IQCM: variants seen among roughly 807,000 people sequenced by gnomAD.
The protein encoded by IQCM is IQ domain-containing protein M.
IQCM carries 45 observed loss-of-function variants against 57.6 expected under a neutral mutation model. The observed-to-expected ratio is 0.78, with a 90% CI of 0.62 to 1.00. The LOEUF (loss-of-function observed/expected upper bound fraction) is 1.00. IQCM is among the 50% of genes least tolerant of loss of function. The pLI is 0.00. For missense variants in IQCM, 468 were observed against 511.6 expected, an observed-to-expected ratio of 0.91 and a Z score of 0.82; for synonymous variants, 148 against 158.9, an observed-to-expected ratio of 0.93 and a Z score of 0.51.
intron 13 of IQCM, among the ~76,000 whole-genome samples, chr4:149,415,509 G>A (rs1255195847): frequency 6.6e-6 from 1 of 152,134 alleles, no homozygotes; most frequent in Non-Finnish European, 1.5e-5. Flanking sequence ...GAAGACAGCA[G>A]GAACATCCTT....
intron 12 of IQCM, among the ~76,000 whole-genome samples, chr4:149,545,923 C>T (rs1444280737): frequency 6.6e-6 from 1 of 152,092 alleles, no homozygotes; most frequent in Non-Finnish European, 1.5e-5. Context: ...CACCCGTTAA[C>T]TCGTCCTTTA....
rs150027282 is a variant in IQCM at position 149,606,568 on chromosome 4, G to C, written c.681+14561C>G. On this transcript the variant is annotated intron_variant, in intron 8 of 13. Transcript: ENST00000636793. ...GACCTCACCAAATTGACAAAATAAG[G>C]CACCAGTGATCAATCCTGGAGTGAT... Among the ~76,000 whole-genome samples, 2 of 152,090 alleles carry C rather than the reference G, an allele frequency of 1.3e-5. 1 individual carries two copies. The highest frequency in any genetic ancestry group is 4.1e-4 in the South Asian group (2 of 4,826).
chr4:149,427,593 T>G (rs1314737114), intron 13 of IQCM, among the ~76,000 whole-genome samples: 1 of 151,978 alleles, frequency 6.6e-6, no homozygotes, highest in East Asian at 1.9e-4. Context: ...ATCACCCTAA[T>G]ACATTTTTTG....
At chr4:149,636,375 T>C (rs1171651420) in intron 7 of IQCM, among the ~76,000 whole-genome samples, 2 of 152,156 alleles carry the variant, frequency 1.3e-5, no homozygotes, top group African/African-American at 2.4e-5. Context: ...CTGCACTGAC[T>C]CTCCTACTCT....
At chr4:149,702,683 G>C (rs377493362) in intron 5 of IQCM, among the ~76,000 whole-genome samples, 1 of 151,930 alleles carries the variant, frequency 6.6e-6, no homozygotes, top group Non-Finnish European at 1.5e-5. Flanking sequence ...AACTCATAGT[G>C]ACATTTTTAG....
intron 7 of IQCM, among the ~76,000 whole-genome samples, chr4:149,643,268 A>G (rs1758358850): frequency 6.6e-6 from 1 of 152,206 alleles, no homozygotes; most frequent in Non-Finnish European, 1.5e-5. Flanking sequence ...TGTGTCAGGC[A>G]TGTACCAAGT....
Position 149,695,775 on chromosome 4 carries a change from T to C in IQCM, c.386-9307A>G, listed in dbSNP as rs1326985620. Among the ~76,000 whole-genome samples the C allele has an allele frequency of 2.0e-5, 3 of 152,198 alleles. No individual in the cohort carries two copies. In the East Asian group the frequency reaches 5.8e-4, roughly 30 times the overall value. On this transcript the variant is annotated intron_variant, in intron 5 of 13. Transcript: ENST00000636793. ...GATAGAATTCATACCTGAAGAGGCA[T>C]CTTCTAAAACCATAGACAAGATTTT...
chr4:149,368,318 G>T (rs1248548585), intron 13 of IQCM, among the ~76,000 whole-genome samples: 1 of 151,880 alleles, frequency 6.6e-6, no homozygotes, highest in Non-Finnish European at 1.5e-5. Flanking sequence ...TAGAAGTATT[G>T]ATGTTATAAA....
At chr4:149,645,287 A>G (rs1758540190) in intron 7 of IQCM, among the ~76,000 whole-genome samples, 2 of 152,160 alleles carry the variant, frequency 1.3e-5, no homozygotes, top group African/African-American at 4.8e-5. Flanking sequence ...TTTTAATGTA[A>G]CTTAATCAGT....
At position 149,487,370 on chromosome 4, in the gene IQCM, G is replaced by A. The variant is rs138140945; in HGVS notation, c.1229-53813C>T. Among the ~76,000 whole-genome samples, 4 of 152,216 alleles carry A rather than the reference G, an allele frequency of 2.6e-5. No individual in the cohort carries two copies. In the East Asian group the frequency reaches 7.8e-4, roughly 29 times the overall value. ...TAAGCAGAAAGGATTCACTTTCATT[G>A]TTGCAAACTACACTGCCTGGGATTG... is the stretch of plus-strand genomic sequence containing the variant. On this transcript the variant is annotated intron_variant, in intron 12 of 13. Transcript: ENST00000636793.
chr4:149,662,019 C>T (rs1423059882), intron 7 of IQCM, among the ~76,000 whole-genome samples: 1 of 151,898 alleles, frequency 6.6e-6, no homozygotes, highest in Non-Finnish European at 1.5e-5. Flanking sequence ...TAGGTCCTTG[C>T]AGTGCATTAT....
chr4:149,626,406 A>ATATATATATATATATATATAT (rs1756810430), intron 7 of IQCM, among the ~76,000 whole-genome samples: 2 of 58,712 alleles, frequency 3.4e-5, no homozygotes, highest in Non-Finnish European at 7.6e-5. Context: ...TATATATATA[A>ATATATATATATATATATATAT]GTTTATAGCA....
intron 8 of IQCM, among the ~76,000 whole-genome samples, chr4:149,591,062 T>C (rs1454838878): frequency 6.6e-6 from 1 of 152,044 alleles, no homozygotes; most frequent in Non-Finnish European, 1.5e-5. Flanking sequence ...ATTTTCAAAT[T>C]TTTGTAACAA....
chr4:149,629,442 G>A (rs772240641), intron 7 of IQCM, among the ~76,000 whole-genome samples: 4 of 151,932 alleles, frequency 2.6e-5, no homozygotes, highest in Non-Finnish European at 1.5e-5. Context: ...ACTTAAATAT[G>A]AGTTTTCTCC....
intron 13 of IQCM, among the ~76,000 whole-genome samples, chr4:149,365,260 A>G (rs1211803276): frequency 6.6e-6 from 1 of 152,126 alleles, no homozygotes; most frequent in African/African-American, 2.4e-5. Context: ...TGTCAAAGAG[A>G]CACAGGAGCC....
intron 8 of IQCM, among the ~76,000 whole-genome samples, chr4:149,611,475 A>G (rs1019924731): frequency 2.6e-5 from 4 of 152,180 alleles, no homozygotes; most frequent in African/African-American, 7.2e-5. Context: ...AGTATGGTAC[A>G]TATACACAAT....
chr4:149,597,105 TTGAC>T (rs1329153162), intron 8 of IQCM, among the ~76,000 whole-genome samples: 2 of 151,990 alleles, frequency 1.3e-5, no homozygotes, highest in Non-Finnish European at 2.9e-5. Flanking sequence ...ATTATCAAAA[TTGAC>T]TGAGCAGACT....
chr4:149,510,286 T>C (rs1744271951), intron 12 of IQCM, among the ~76,000 whole-genome samples: 1 of 152,186 alleles, frequency 6.6e-6, no homozygotes, highest in African/African-American at 2.4e-5. Context: ...GGAAATTCTT[T>C]ATAATAAAAT....
At chr4:149,374,713 TG>T (rs1385861601) in intron 13 of IQCM, among the ~76,000 whole-genome samples, 1 of 152,154 alleles carries the variant, frequency 6.6e-6, no homozygotes, top group African/African-American at 2.4e-5. Flanking sequence ...GTATTTATAC[TG>T]GGAAACATGT....
Sources: allele counts gnomAD v4.1 joint callset (sites outside exome capture counted in the v4.1 genomes callset), GRCh38; gene constraint gnomAD v4.1.1; transcripts MANE v1.5; gene names NCBI Gene and HGNC (gene_info 2026-07-23, HGNC 2026-07-21).